Variants in EIF4G3 observed in about 807,000 individuals in gnomAD.
The protein encoded by EIF4G3 is eukaryotic translation initiation factor 4 gamma 3, also known as eIF-4-gamma 3.
A neutral mutation model predicts 186.4 loss-of-function variants in EIF4G3; 34 were observed. The ratio of observed to expected loss-of-function variants is 0.18; its 90% CI spans 0.14 to 0.24. EIF4G3 has a LOEUF of 0.24. Among genes scored for constraint, EIF4G3 ranks in the 10% least tolerant of loss-of-function variants. The pLI, the probability that EIF4G3 is intolerant of heterozygous loss-of-function variation, is 1.00. For missense variants in EIF4G3, 1,536 were observed against 1,948.5 expected (o/e 0.79, Z 3.99); for synonymous variants, 673 against 679.5 (o/e 0.99, Z 0.15).
chr1:20,901,234 G>A (rs1248310169), intron 15 of EIF4G3, among the ~76,000 whole-genome samples: 1 of 151,980 alleles, frequency 6.6e-6, no homozygotes, highest in Non-Finnish European at 1.5e-5. Context: ...GCAGAAAGTA[G>A]GTATCATTTA....
intron 2 of EIF4G3, among the ~76,000 whole-genome samples, chr1:21,117,736 T>TAAA (rs71014156): frequency 0.063 from 4,596 of 72,970 alleles, 274 homozygotes; most frequent in African/African-American, 0.15. Flanking sequence ...CAGTATATAG[T>TAAA]AAAAAAAAAA....
intron 2 of EIF4G3, among the ~76,000 whole-genome samples, chr1:21,125,013 C>G (rs961287263): frequency 8.5e-5 from 13 of 152,126 alleles, no homozygotes; most frequent in African/African-American, 3.1e-4. Flanking sequence ...AATTCCTCAT[C>G]AAAAGTGACT....
chr1:21,092,051 G>C (rs2096222872), intron 2 of EIF4G3, among the ~76,000 whole-genome samples: 1 of 152,138 alleles, frequency 6.6e-6, no homozygotes, highest in African/African-American at 2.4e-5. Context: ...GTGAGAGAGG[G>C]GCATCCCTGT....
chr1:20,998,834 T>A, intron 6 of EIF4G3: 1 of 429,082 alleles, frequency 2.3e-6, no homozygotes, highest in Non-Finnish European at 4.7e-6. Context: ...ATGTAAACCA[T>A]ATACAGGGTT....
chr1:20,886,412 T>C, intron 18 of EIF4G3, 41 bp from the exon 19 acceptor site: 2 of 1,593,250 alleles, frequency 1.3e-6, no homozygotes, highest in South Asian at 1.1e-5. Context: ...TACTTACAAT[T>C]TATTGGCTTT....
rs180917826 is a variant in EIF4G3, at chr1:21,094,884, G to T, written c.-271-5671C>A. 4.0e-3 allele frequency among the ~76,000 whole-genome samples: 613 copies of T among 152,050 alleles called. 3 individuals carry two copies. Among genetic ancestry groups the T allele is most frequent in the Non-Finnish European group, 5.6e-3 (378 of 67,976 alleles). ...TTAAAAAAGAGCCTGGCACAGTGGT[G>T]CATACCTGTAGTTCCAGCCACTAAG... On this transcript the variant is annotated intron_variant, in intron 2 of 36. Coordinates refer to ENST00000602326, the MANE Select transcript of EIF4G3 (RefSeq NM_001391906.1).
At chr1:21,068,726 C>A (rs2095349899) in intron 3 of EIF4G3, among the ~76,000 whole-genome samples, 1 of 152,076 alleles carries the variant, frequency 6.6e-6, no homozygotes, top group East Asian at 1.9e-4. Context: ...TGAGTTAATA[C>A]ACATAAAATG....
Position 20,938,967 on chromosome 1 carries a change from C to T in EIF4G3, c.1663+2524G>A, listed in dbSNP as rs531021791. ...ACTAAAAATACAAAAATAAGCCAGG[C>T]GTGGTGGCACACGCCTATAATCCCA... On this transcript the variant is annotated intron_variant, in intron 14 of 36. Coordinates refer to ENST00000602326, the MANE Select transcript of EIF4G3 (RefSeq NM_001391906.1). 1.2e-4 allele frequency among the ~76,000 whole-genome samples: 18 copies of T among 151,758 alleles called. No homozygotes were observed. The East Asian group carries it at 2.9e-3, about 24-fold the overall frequency.
intron 2 of EIF4G3, among the ~76,000 whole-genome samples, chr1:21,135,888 A>G (rs2097232014): frequency 6.6e-6 from 1 of 152,248 alleles, no homozygotes; most frequent in South Asian, 2.1e-4. Context: ...ATGAAAGCAG[A>G]AACAAAGAAC....
At chr1:21,124,938 G>T (rs887818091) in intron 2 of EIF4G3, among the ~76,000 whole-genome samples, 1 of 152,064 alleles carries the variant, frequency 6.6e-6, no homozygotes, top group Non-Finnish European at 1.5e-5. Context: ...ATACCAAGGA[G>T]ATCTAAAATC....
chr1:21,069,116 T>G lies in EIF4G3; in HGVS notation c.-195-18122A>C, dbSNP rs148697766. ...TTCATGGCTCATTACACTATGTAGC[T>G]GTAACCTTATCCTCCACCTCAAAGG... On this transcript the variant is annotated intron_variant, in intron 3 of 36. Transcript: ENST00000602326. 1.2e-4 allele frequency among the ~76,000 whole-genome samples: 19 copies of G among 152,324 alleles called. No homozygotes were observed. The East Asian group carries it at 3.7e-3, about 29-fold the overall frequency.
intron 21 of EIF4G3, 27 bp from the exon 22 acceptor site, chr1:20,864,739 T>G (rs538524160): frequency 1.3e-6 from 2 of 1,569,766 alleles, no homozygotes; most frequent in Non-Finnish European, 1.8e-6. Flanking sequence ...AATAATAGCA[T>G]CTTGATGATG....
At chr1:20,941,344 A>G in intron 14 of EIF4G3, 147 bp downstream of exon 14, 1 of 1,581,170 alleles carries the variant, frequency 6.3e-7, no homozygotes, top group Non-Finnish European at 8.6e-7. Flanking sequence ...CTAAAACACA[A>G]ACACACCACT....
At chr1:20,995,532 C>T (rs879513503) in intron 7 of EIF4G3, among the ~76,000 whole-genome samples, 9 of 151,950 alleles carry the variant, frequency 5.9e-5, no homozygotes, top group African/African-American at 1.7e-4. Context: ...CCACCACGCC[C>T]GGCTACTTTT....
intron 18 of EIF4G3, chr1:20,892,701 A>G (rs1038634622): frequency 6.5e-7 from 1 of 1,536,054 alleles, no homozygotes; most frequent in Admixed American, 2.0e-5. Flanking sequence ...CAGAATTGGC[A>G]ATCCATGCCT....
At chr1:20,999,480 G>A (rs1434014541) in intron 6 of EIF4G3, 6 of 317,640 alleles carry the variant, frequency 1.9e-5, no homozygotes, top group Non-Finnish European at 3.1e-5. Flanking sequence ...ATTAACCTGA[G>A]TATGGCAGTA....
chr1:21,108,126 C>G (rs923601688), intron 2 of EIF4G3, among the ~76,000 whole-genome samples: 4 of 152,106 alleles, frequency 2.6e-5, no homozygotes, highest in African/African-American at 7.2e-5. Context: ...AGCCTGGGCA[C>G]TCTAACCACT....
intron 13 of EIF4G3, among the ~76,000 whole-genome samples, chr1:20,945,141 T>TA (rs200961050): frequency 0.032 from 4,615 of 146,306 alleles, 140 homozygotes; most frequent in East Asian, 0.14. Context: ...AGAGCTAAAT[T>TA]AAAAAAAAAA....
chr1:20,903,897 T>C (rs1303561079), intron 15 of EIF4G3, among the ~76,000 whole-genome samples: 1 of 152,238 alleles, frequency 6.6e-6, no homozygotes, highest in African/African-American at 2.4e-5. Context: ...AGTAAAATTA[T>C]TTTAATAAAG....
Sources: gnomAD v4.1 joint callset for allele counts (sites outside exome capture counted in the v4.1 genomes callset) on GRCh38, gnomAD v4.1.1 for gene constraint, MANE v1.5 for transcripts, NCBI Gene and HGNC (gene_info 2026-07-23, HGNC 2026-07-21) for gene names.